PBX1: variants seen among roughly 807,000 people sequenced by gnomAD.
PBX1 encodes the protein PBX homeobox 1.
A neutral mutation model predicts 53.4 loss-of-function variants in PBX1; 6 were observed. The observed-to-expected ratio is 0.11, with a 90% CI of 0.06 to 0.22. The LOEUF (loss-of-function observed/expected upper bound fraction) is 0.22. Among genes scored for constraint, PBX1 ranks in the 10% least tolerant of loss-of-function variants. The pLI is 1.00. For synonymous variants in PBX1, 204 were observed against 212.3 expected (o/e 0.96, Z 0.34); for missense variants, 251 against 551.4 (o/e 0.46, Z 5.46).
At chr1:164,606,015 C>T (rs1343915442) in intron 2 of PBX1, among the ~76,000 whole-genome samples, 1 of 152,150 alleles carries the variant, frequency 6.6e-6, no homozygotes, top group Non-Finnish European at 1.5e-5. Flanking sequence ...GAGTTGCACT[C>T]TCTATTTTTA....
At chr1:164,862,410 C>T (rs1425289979) in intron 2 of PBX1, among the ~76,000 whole-genome samples, 1 of 152,186 alleles carries the variant, frequency 6.6e-6, no homozygotes, top group African/African-American at 2.4e-5. Flanking sequence ...CATCCTATTG[C>T]GTTGCAATTA....
At chr1:164,600,395 G>A (rs1356825501) in intron 2 of PBX1, among the ~76,000 whole-genome samples, 4 of 151,934 alleles carry the variant, frequency 2.6e-5, no homozygotes, top group Admixed American at 6.6e-5. Flanking sequence ...GGGATTACAG[G>A]TGCCCGCCAC....
Position 164,588,507 on chromosome 1 carries a change from G to T in PBX1, c.265+25196G>T, listed in dbSNP as rs188990507. On this transcript the variant is annotated intron_variant, in intron 2 of 8. Transcript: ENST00000420696. ...TTTTTTTTTTTTTTTTTTTAGTTTC[G>T]AAGCATATGGTGAAGTGTGCTATAA... 4.7e-3 allele frequency among the ~76,000 whole-genome samples: 389 copies of T among 83,284 alleles called. 2 individuals carry two copies. The highest frequency in any genetic ancestry group is 0.014 in the African/African-American group (355 of 26,228). 54.6% of individuals were successfully genotyped at this position (83,284 alleles called of 152,430 possible).
chr1:164,765,206 T>C (rs1667003301), intron 2 of PBX1, among the ~76,000 whole-genome samples: 1 of 152,194 alleles, frequency 6.6e-6, no homozygotes, highest in Non-Finnish European at 1.5e-5. Flanking sequence ...CATGTAGCCC[T>C]ACCTACTTCC....
intron 2 of PBX1, among the ~76,000 whole-genome samples, chr1:164,630,262 C>T (rs1329269782): frequency 1.3e-5 from 2 of 151,962 alleles, no homozygotes; most frequent in Admixed American, 1.3e-4. Flanking sequence ...GAAAAAGAAC[C>T]CTGAATATAT....
intron 2 of PBX1, among the ~76,000 whole-genome samples, chr1:164,653,936 G>A (rs1401108408): frequency 6.6e-6 from 1 of 152,194 alleles, no homozygotes; most frequent in Non-Finnish European, 1.5e-5. Context: ...AGAACAGCCT[G>A]TTCCTTCTTT....
intron 2 of PBX1, among the ~76,000 whole-genome samples, chr1:164,740,817 A>G (rs1246036563): frequency 6.6e-6 from 1 of 152,144 alleles, no homozygotes; most frequent in Non-Finnish European, 1.5e-5. Context: ...TATAATGTAG[A>G]TATTTTGCTT....
intron 2 of PBX1, among the ~76,000 whole-genome samples, chr1:164,575,442 T>C (rs1654153468): frequency 6.6e-6 from 1 of 152,202 alleles, no homozygotes; most frequent in African/African-American, 2.4e-5. Context: ...TGCCAGTAGG[T>C]CAGAGGAATA....
At chr1:164,750,326 T>C (rs2102192060) in intron 2 of PBX1, among the ~76,000 whole-genome samples, 1 of 152,236 alleles carries the variant, frequency 6.6e-6, no homozygotes, top group South Asian at 2.1e-4. Flanking sequence ...GGTAAAAATA[T>C]ACAGATAAAC....
intron 2 of PBX1, among the ~76,000 whole-genome samples, chr1:164,740,167 A>G (rs1571318244): frequency 6.6e-6 from 1 of 152,288 alleles, no homozygotes; most frequent in African/African-American, 2.4e-5. Flanking sequence ...TGAAGATGAA[A>G]GGTTACGGCT....
At chr1:164,774,026 G>A (rs1489120869) in intron 2 of PBX1, among the ~76,000 whole-genome samples, 1 of 152,190 alleles carries the variant, frequency 6.6e-6, no homozygotes, top group Non-Finnish European at 1.5e-5. Flanking sequence ...GAAAAGGATA[G>A]ATGGCAAGAT....
chr1:164,744,379 C>G (rs556573381), intron 2 of PBX1, among the ~76,000 whole-genome samples: 1 of 152,292 alleles, frequency 6.6e-6, no homozygotes, highest in East Asian at 1.9e-4. Flanking sequence ...GAATTTCCAA[C>G]CACAATGTCT....
At chr1:164,836,444 G>A (rs567432732) in intron 8 of PBX1, among the ~76,000 whole-genome samples, 2 of 152,180 alleles carry the variant, frequency 1.3e-5, no homozygotes, top group African/African-American at 4.8e-5. Flanking sequence ...AATAAAAGAG[G>A]GTGTCCCCCA....
intron 2 of PBX1, among the ~76,000 whole-genome samples, chr1:164,745,213 T>C (rs1251862600): frequency 1.3e-5 from 2 of 152,148 alleles, no homozygotes; most frequent in Non-Finnish European, 2.9e-5. Context: ...ATGGAAAGCA[T>C]GGGCCACAGA....
At chr1:164,740,734 A>G (rs1665560359) in intron 2 of PBX1, among the ~76,000 whole-genome samples, 1 of 152,218 alleles carries the variant, frequency 6.6e-6, no homozygotes, top group African/African-American at 2.4e-5. Flanking sequence ...CTTCGCTCTC[A>G]AGGAACTTGC....
intron 6 of PBX1, chr1:164,818,883 C>T (rs545891235): frequency 6.6e-6 from 1 of 152,228 alleles, no homozygotes; most frequent in East Asian, 1.9e-4. Flanking sequence ...AGCTCAAATC[C>T]CTACCTTAGG....
rs188868160 is a variant in PBX1, at chr1:164,709,771, C to T, written c.266-82723C>T. ...TCCTTTCAGCTGGCAGCAGAATTTC[C>T]GTCATCTTTCCCTTTTGAATTTGAT... On this transcript the variant is annotated intron_variant, in intron 2 of 8. Transcript: ENST00000420696. Among the ~76,000 whole-genome samples the T allele has an allele frequency of 5.0e-4, 76 of 152,328 alleles. 3 individuals carry two copies. Among genetic ancestry groups the T allele is most frequent in the Admixed American group, 4.8e-3 (74 of 15,304 alleles).
At chr1:164,692,288 A>G (rs1324380147) in intron 2 of PBX1, among the ~76,000 whole-genome samples, 1 of 152,132 alleles carries the variant, frequency 6.6e-6, no homozygotes, top group Non-Finnish European at 1.5e-5. Context: ...GATGGTGTGA[A>G]CTCAGAAGTG....
intron 8 of PBX1, among the ~76,000 whole-genome samples, chr1:164,845,179 T>A (rs1671506374): frequency 6.6e-6 from 1 of 152,114 alleles, no homozygotes; most frequent in Non-Finnish European, 1.5e-5. Flanking sequence ...ATCATTTGGG[T>A]GAGCCAATGA....
Sources: gnomAD v4.1 joint callset for allele counts (sites outside exome capture counted in the v4.1 genomes callset) on GRCh38, gnomAD v4.1.1 for gene constraint, MANE v1.5 for transcripts, NCBI Gene and HGNC (gene_info 2026-07-23, HGNC 2026-07-21) for gene names.